Variants in DAP observed in about 807,000 individuals in gnomAD.
The protein encoded by DAP is death associated protein.
DAP carries 8 observed loss-of-function variants against 13.8 expected under a neutral mutation model. The observed-to-expected ratio is 0.58, with a 90% confidence interval of 0.34 to 1.05. The LOEUF (loss-of-function observed/expected upper bound fraction) is 1.05, where lower values mean the gene tolerates loss of function less well. Among genes scored for constraint, DAP ranks in the 50% least tolerant of loss-of-function variants. The probability of loss-of-function intolerance (pLI) is 0.03; values close to 1 mark genes in which losing one functional copy is unlikely to be tolerated. For missense variants in DAP, 106 were observed against 133.2 expected (o/e 0.80, Z 1.01); for synonymous variants, 47 against 47.5 (o/e 0.99, Z 0.04).
chr5:10,748,568 C>T (rs1340879055), intron 1 of DAP, among the ~76,000 whole-genome samples: 1 of 152,244 alleles, frequency 6.6e-6, no homozygotes, highest in African/African-American at 2.4e-5. Flanking sequence ...GCACAAACTA[C>T]ACAAAGAGAG....
Position 10,680,791 on chromosome 5 carries a change from C to T in DAP, c.*265G>A, listed in dbSNP as rs557175231. 326 of 1,536,698 alleles carry T rather than the reference C, an allele frequency of 2.1e-4. 1 individual carries two copies. In the African/African-American group the frequency reaches 4.0e-3, roughly 19 times the overall value. On this transcript the variant is annotated 3_prime_UTR_variant, in exon 4 of 4. Transcript: ENST00000230895. ...ATAGAACTAAAGCTAAAATTTTTCT[C>T]GGATCTTGGCAAATTCTGCTAATGG...
rs543126889 is a variant in DAP, at chr5:10,686,225, T to C, written c.153-2654A>G. On this transcript the variant is annotated intron_variant, in intron 2 of 3. Transcript: ENST00000230895. ...ACCAGCCATTCCCTGTCTCTCTCCT[T>C]CTCTTCAGGCCTCCCTATTCCCTGA... Among the ~76,000 whole-genome samples, 5 of 152,332 alleles carry C rather than the reference T, an allele frequency of 3.3e-5. No individual in the cohort carries two copies. The East Asian group carries it at 9.6e-4, about 29-fold the overall frequency.
At chr5:10,695,469 C>T (rs1212581391) in intron 2 of DAP, among the ~76,000 whole-genome samples, 1 of 152,220 alleles carries the variant, frequency 6.6e-6, no homozygotes, top group Non-Finnish European at 1.5e-5. Flanking sequence ...AACCTAATTC[C>T]TTCTAAATTT....
rs115565596 is a variant in DAP, at chr5:10,687,088, C to A, written c.153-3517G>T. On this transcript the variant is annotated intron_variant, in intron 2 of 3. Coordinates refer to ENST00000230895, the MANE Select transcript of DAP (RefSeq NM_004394.3). ...ACATGGGATGACAGAGCCTGGATGA[C>A]GGCACATTGGTTTACATCAAGGTTT... Among the ~76,000 whole-genome samples the A allele has an allele frequency of 1.5e-3, 223 of 152,280 alleles. 1 individual carries two copies. Among genetic ancestry groups the A allele is most frequent in the Non-Finnish European group, 2.7e-3 (186 of 68,034 alleles).
chr5:10,717,123 C>T (rs985181740), intron 2 of DAP, among the ~76,000 whole-genome samples: 3 of 152,170 alleles, frequency 2.0e-5, no homozygotes, highest in Non-Finnish European at 2.9e-5. Context: ...GAACATAATG[C>T]AGCTTGTTGG....
intron 2 of DAP, among the ~76,000 whole-genome samples, chr5:10,696,161 AG>A (rs999535836): frequency 1.3e-5 from 2 of 152,152 alleles, no homozygotes; most frequent in Non-Finnish European, 2.9e-5. Context: ...GATGCAAAGA[AG>A]GGGAAATAAC....
chr5:10,759,211 G>T (rs1392861776), intron 1 of DAP, among the ~76,000 whole-genome samples: 2 of 152,114 alleles, frequency 1.3e-5, no homozygotes, highest in East Asian at 3.9e-4. Flanking sequence ...CTTCTTTATG[G>T]GTGTGTCTCT....
At chr5:10,743,876 C>A (rs1739831953) in intron 2 of DAP, among the ~76,000 whole-genome samples, 1 of 152,200 alleles carries the variant, frequency 6.6e-6, no homozygotes, top group African/African-American at 2.4e-5. Context: ...AATTCTTTGG[C>A]AGCATTTTCA....
At chr5:10,708,377 G>T (rs572385016) in intron 2 of DAP, among the ~76,000 whole-genome samples, 16 of 146,882 alleles carry the variant, frequency 1.1e-4, no homozygotes, top group African/African-American at 4.0e-4. Context: ...CACATGCACA[G>T]ACATACATAC....
intron 2 of DAP, among the ~76,000 whole-genome samples, chr5:10,732,327 C>A (rs1211092484): frequency 1.3e-5 from 2 of 152,178 alleles, no homozygotes; most frequent in Non-Finnish European, 2.9e-5. Flanking sequence ...CAATCGATAC[C>A]CATTAAGCTG....
At position 10,751,259 on chromosome 5, in the gene DAP, G is replaced by T. The variant is rs571725946; in HGVS notation, c.56-2988C>A. On this transcript the variant is annotated intron_variant, in intron 1 of 3. Coordinates refer to ENST00000230895, the MANE Select transcript of DAP (RefSeq NM_004394.3). ...TTCAAGGTCAAATTCTTTTAAAAAA[G>T]CAAAAAGCCAAAGACAAAACAGAAA... is the stretch of plus-strand genomic sequence containing the variant. Among the ~76,000 whole-genome samples the T allele has an allele frequency of 2.6e-5, 4 of 152,178 alleles. No homozygotes were observed. In the East Asian group the frequency reaches 7.7e-4, roughly 29 times the overall value.
chr5:10,755,464 T>C (rs1002727169), intron 1 of DAP, among the ~76,000 whole-genome samples: 1 of 152,184 alleles, frequency 6.6e-6, no homozygotes, highest in African/African-American at 2.4e-5. Context: ...TGATGATGCA[T>C]ACCACTTGTG....
chr5:10,713,354 C>A (rs1393571274), intron 2 of DAP, among the ~76,000 whole-genome samples: 1 of 152,146 alleles, frequency 6.6e-6, no homozygotes, highest in Non-Finnish European at 1.5e-5. Context: ...GAGTTACGTT[C>A]CAGGCACGAC....
intron 2 of DAP, among the ~76,000 whole-genome samples, chr5:10,689,307 G>C (rs1007848611): frequency 1.3e-5 from 2 of 151,060 alleles, no homozygotes; most frequent in African/African-American, 4.9e-5. Context: ...CTGTCCCATC[G>C]CAACTGCTGA....
chr5:10,733,549 T>G (rs1739527434), intron 2 of DAP, among the ~76,000 whole-genome samples: 1 of 152,232 alleles, frequency 6.6e-6, no homozygotes, highest in African/African-American at 2.4e-5. Context: ...CTGCTGATTC[T>G]ATGAGAATCC....
At chr5:10,757,174 C>T (rs750426260) in intron 1 of DAP, among the ~76,000 whole-genome samples, 1 of 152,236 alleles carries the variant, frequency 6.6e-6, no homozygotes, top group Non-Finnish European at 1.5e-5. Context: ...ATGGAGTCGT[C>T]TGTCGGGCTG....
At chr5:10,710,513 C>T (rs1444679351) in intron 2 of DAP, among the ~76,000 whole-genome samples, 4 of 152,174 alleles carry the variant, frequency 2.6e-5, no homozygotes, top group African/African-American at 7.2e-5. Flanking sequence ...GGCCACAGAG[C>T]GCTCTGAGTG....
chr5:10,703,412 G>C (rs958478010), intron 2 of DAP, among the ~76,000 whole-genome samples: 5 of 152,118 alleles, frequency 3.3e-5, no homozygotes, highest in Admixed American at 2.0e-4. Flanking sequence ...AGGCAGGGGG[G>C]GTGTCACCGA....
chr5:10,704,462 C>T (rs979613661), intron 2 of DAP, among the ~76,000 whole-genome samples: 2 of 152,050 alleles, frequency 1.3e-5, no homozygotes, highest in Non-Finnish European at 1.5e-5. Flanking sequence ...TCTGTGCTGT[C>T]GCCCAGTCTG....
Sources: gnomAD v4.1 joint callset for allele counts (sites outside exome capture counted in the v4.1 genomes callset) on GRCh38, gnomAD v4.1.1 for gene constraint, MANE v1.5 for transcripts, NCBI Gene and HGNC (gene_info 2026-07-23, HGNC 2026-07-21) for gene names.